Variants in SLC35F4 observed in about 807,000 individuals in gnomAD.
The protein encoded by SLC35F4 is solute carrier family 35 member F4.
A neutral mutation model predicts 44.2 loss-of-function variants in SLC35F4; 24 were observed. That is an observed-to-expected ratio of 0.54 (90% CI 0.39 to 0.76). The LOEUF is 0.76. Ranked by LOEUF, SLC35F4 falls within the 30% of genes least tolerant of loss-of-function variation. SLC35F4 has a pLI of 0.00. For synonymous variants in SLC35F4, 238 were observed against 223.6 expected, an observed-to-expected ratio of 1.06 and a Z score of -0.57; for missense variants, 562 against 586.1, an observed-to-expected ratio of 0.96 and a Z score of 0.42.
chr14:57,935,210 A>G (rs1889774745), intron 1 of SLC35F4, among the ~76,000 whole-genome samples: 1 of 152,208 alleles, frequency 6.6e-6, no homozygotes, highest in Admixed American at 6.5e-5. Context: ...GACTTCTTGT[A>G]AATTCCCTGA....
chr14:57,785,841 AG>A (rs2077743326), intron 1 of SLC35F4, among the ~76,000 whole-genome samples: 1 of 152,164 alleles, frequency 6.6e-6, no homozygotes, highest in African/African-American at 2.4e-5. Flanking sequence ...CCAGAGAAGC[AG>A]GGGTAAGACT....
chr14:57,821,182 T>C (rs1883138000), intron 1 of SLC35F4, among the ~76,000 whole-genome samples: 1 of 151,300 alleles, frequency 6.6e-6, no homozygotes, highest in Non-Finnish European at 1.5e-5. Context: ...ACAGACAACT[T>C]CTTCCCAGGC....
chr14:57,959,298 T>C (rs1318335018), intron 1 of SLC35F4, among the ~76,000 whole-genome samples: 2 of 152,194 alleles, frequency 1.3e-5, no homozygotes, highest in Non-Finnish European at 2.9e-5. Flanking sequence ...TAATGTAAAG[T>C]TTCCTTTTTA....
At chr14:57,952,068 G>A (rs1890151546) in intron 1 of SLC35F4, among the ~76,000 whole-genome samples, 1 of 152,202 alleles carries the variant, frequency 6.6e-6, no homozygotes, top group South Asian at 2.1e-4. Flanking sequence ...GCCCCTCTGG[G>A]ATGAAGCTTC....
intron 1 of SLC35F4, among the ~76,000 whole-genome samples, chr14:57,773,583 T>C (rs1456475518): frequency 2.6e-5 from 4 of 152,030 alleles, no homozygotes; most frequent in Admixed American, 6.5e-5. Context: ...TTTTCCAGTG[T>C]AGATCCTGGT....
At chr14:57,651,366 C>T (rs1008960695) in intron 1 of SLC35F4, among the ~76,000 whole-genome samples, 1 of 152,036 alleles carries the variant, frequency 6.6e-6, no homozygotes, top group African/African-American at 2.4e-5. Context: ...AGTGAGTCAT[C>T]CTAGGGAGTG....
Position 57,807,325 on chromosome 14 carries a change from G to C in SLC35F4, c.103+58398C>G, listed in dbSNP as rs1489822920. ...TTCTGCCCCAGCTGGTGCTACCTAGGTGGGGCCAGGTAGTTCTGCCTAACT... is the reference window on the plus strand; with the variant it reads ...TTCTGCCCCAGCTGGTGCTACCTAGCTGGGGCCAGGTAGTTCTGCCTAACT... On this transcript the variant is annotated intron_variant, in intron 1 of 7. Coordinates refer to ENST00000556826, the MANE Select transcript of SLC35F4 (RefSeq NM_001306087.2). 4.0e-5 allele frequency among the ~76,000 whole-genome samples: 6 copies of C among 149,440 alleles called. No individual in the cohort carries two copies. The South Asian group carries it at 1.2e-3, about 31-fold the overall frequency.
At chr14:57,846,541 C>T (rs944990479) in intron 1 of SLC35F4, among the ~76,000 whole-genome samples, 2 of 152,040 alleles carry the variant, frequency 1.3e-5, no homozygotes, top group African/African-American at 4.8e-5. Flanking sequence ...TCATTGAAAA[C>T]AAAATCAATT....
intron 1 of SLC35F4, among the ~76,000 whole-genome samples, chr14:57,820,154 A>G (rs988302349): frequency 6.6e-6 from 1 of 152,236 alleles, no homozygotes; most frequent in African/African-American, 2.4e-5. Context: ...ATGAAAAATA[A>G]AACTTGAAAC....
chr14:57,577,028 C>T (rs1033751791), intron 4 of SLC35F4, among the ~76,000 whole-genome samples: 7 of 152,156 alleles, frequency 4.6e-5, no homozygotes, highest in African/African-American at 1.7e-4. Flanking sequence ...CTCCCACTGT[C>T]CATCCTCCAC....
chr14:57,876,803 A>C (rs1325987509), intron 1 of SLC35F4, among the ~76,000 whole-genome samples: 3 of 152,116 alleles, frequency 2.0e-5, no homozygotes, highest in Non-Finnish European at 4.4e-5. Flanking sequence ...CAGATCAGGG[A>C]CCCCTTATTC....
chr14:57,812,120 A>T (rs1882039655), intron 1 of SLC35F4, among the ~76,000 whole-genome samples: 1 of 152,198 alleles, frequency 6.6e-6, no homozygotes, highest in Non-Finnish European at 1.5e-5. Flanking sequence ...CTAATCAGTG[A>T]TGTGTATTCC....
intron 1 of SLC35F4, among the ~76,000 whole-genome samples, chr14:57,638,895 G>C (rs543126388): frequency 5.1e-4 from 78 of 152,168 alleles, no homozygotes; most frequent in African/African-American, 1.7e-3. Context: ...CCTAGAGTTA[G>C]GGTCATCTTT....
At chr14:57,761,567 C>T (rs961077815) in intron 1 of SLC35F4, among the ~76,000 whole-genome samples, 1 of 152,138 alleles carries the variant, frequency 6.6e-6, no homozygotes, top group Non-Finnish European at 1.5e-5. Flanking sequence ...AAGCTCCCTA[C>T]TGTACATTAA....
At chr14:57,669,813 A>G (rs554412560) in intron 1 of SLC35F4, among the ~76,000 whole-genome samples, 1 of 152,222 alleles carries the variant, frequency 6.6e-6, no homozygotes, top group South Asian at 2.1e-4. Flanking sequence ...TGTCTCTGCC[A>G]GGCTTTGGTA....
intron 1 of SLC35F4, among the ~76,000 whole-genome samples, chr14:57,728,102 C>G (rs2076248625): frequency 6.6e-6 from 1 of 152,098 alleles, no homozygotes; most frequent in South Asian, 2.1e-4. Flanking sequence ...CATTATTTCC[C>G]CTTGCTAAGT....
intron 1 of SLC35F4, among the ~76,000 whole-genome samples, chr14:57,920,086 C>A (rs1267583436): frequency 6.6e-6 from 1 of 152,108 alleles, no homozygotes; most frequent in African/African-American, 2.4e-5. Context: ...CACGTTGTTT[C>A]CTTATCTTCA....
chr14:57,924,053 G>A (rs1313160973), intron 1 of SLC35F4, among the ~76,000 whole-genome samples: 3 of 152,104 alleles, frequency 2.0e-5, no homozygotes, highest in African/African-American at 7.2e-5. Flanking sequence ...CCCTGTACAG[G>A]CTCTCTCTTT....
At chr14:57,666,636 G>T (rs1452766349) in intron 1 of SLC35F4, among the ~76,000 whole-genome samples, 1 of 151,932 alleles carries the variant, frequency 6.6e-6, no homozygotes, top group Non-Finnish European at 1.5e-5. Flanking sequence ...CACTAGGTTT[G>T]TGATAATTTG....
Sources: allele counts gnomAD v4.1 joint callset (sites outside exome capture counted in the v4.1 genomes callset), GRCh38; gene constraint gnomAD v4.1.1; transcripts MANE v1.5; gene names NCBI Gene and HGNC (gene_info 2026-07-23, HGNC 2026-07-21).